WAC: variants seen among roughly 807,000 people sequenced by gnomAD.
WAC encodes the protein WW domain containing adaptor with coiled-coil, also known as WW domain-containing adapter protein with coiled-coil.
WAC carries 11 observed loss-of-function variants against 79.6 expected under a neutral mutation model. The observed-to-expected ratio is 0.14, with a 90% confidence interval of 0.09 to 0.23. WAC has a LOEUF of 0.23. WAC is among the 10% of genes least tolerant of loss of function. WAC has a pLI of 1.00. For synonymous variants in WAC, 304 were observed against 276.9 expected, an observed-to-expected ratio of 1.10 and a Z score of -0.97; for missense variants, 728 against 773.5, an observed-to-expected ratio of 0.94 and a Z score of 0.70.
chr10:28,550,686 A>G (rs545828411), intron 3 of WAC, among the ~76,000 whole-genome samples: 1 of 152,316 alleles, frequency 6.6e-6, no homozygotes, highest in Non-Finnish European at 1.5e-5. Context: ...TAAGAGTAAA[A>G]TCATAAGAAT....
In WAC at chr10:28,620,626, ATATT is replaced by A. The variant is rs1841654583; in HGVS notation, c.*1024_*1027del. 1.3e-5 allele frequency: 2 copies of A among 152,342 alleles called. No homozygotes were observed. The highest frequency in any genetic ancestry group is 2.4e-5 in the African/African-American group (1 of 41,452). The allele number at this position is 152,342 out of a possible 1,614,324, so 9.4% of individuals were successfully genotyped here. A position where few individuals can be genotyped will look rare whatever the true frequency, so the allele number is the denominator to read the frequency against. Reference sequence around the variant, plus strand: ...TCTTTATCAGAACTGTTCTTGTTGAATATTTATACTTAATTGAAATAATTCCTTA... The same window carrying A: ...TCTTTATCAGAACTGTTCTTGTTGAATATACTTAATTGAAATAATTCCTTA... On this transcript the variant is annotated 3_prime_UTR_variant, in exon 14 of 14. Coordinates refer to ENST00000354911, the MANE Select transcript of WAC (RefSeq NM_016628.5).
intron 7 of WAC, among the ~76,000 whole-genome samples, chr10:28,605,854 A>G (rs965513448): frequency 9.2e-5 from 14 of 152,170 alleles, no homozygotes; most frequent in African/African-American, 3.1e-4. Context: ...AAGAATGAGG[A>G]TAATTTCAGG....
intron 3 of WAC, among the ~76,000 whole-genome samples, chr10:28,558,940 C>G (rs1838147797): frequency 6.6e-6 from 1 of 152,230 alleles, no homozygotes; most frequent in Non-Finnish European, 1.5e-5. Context: ...ACGGGTAGTT[C>G]ATTTGGTGCA....
At chr10:28,614,507 T>A in intron 10 of WAC, 60 bp from the exon 11 acceptor site, 2 of 1,322,078 alleles carry the variant, frequency 1.5e-6, no homozygotes, top group South Asian at 2.4e-5. Context: ...TTACCTAGAT[T>A]TTGGGGGGAG....
chr10:28,609,187 C>T (rs1336399925), intron 8 of WAC, among the ~76,000 whole-genome samples: 1 of 152,098 alleles, frequency 6.6e-6, no homozygotes, highest in Non-Finnish European at 1.5e-5. Context: ...GATGGTGAAA[C>T]GCTATCTCTA....
At chr10:28,616,445 C>A in intron 12 of WAC, 83 bp downstream of exon 12, 1 of 1,100,290 alleles carries the variant, frequency 9.1e-7, no homozygotes, top group Non-Finnish European at 1.2e-6. Flanking sequence ...CTAATGTGAC[C>A]ACTGAATTCA....
chr10:28,610,325 C>T (rs542505473), intron 8 of WAC, among the ~76,000 whole-genome samples: 1 of 152,200 alleles, frequency 6.6e-6, no homozygotes, highest in African/African-American at 2.4e-5. Context: ...CATGAAATAG[C>T]AGTTGTTTAT....
chr10:28,612,923 T>C (rs1475905667), intron 10 of WAC, among the ~76,000 whole-genome samples: 2 of 152,176 alleles, frequency 1.3e-5, no homozygotes, highest in Non-Finnish European at 1.5e-5. Context: ...GTATAGTAAA[T>C]AGTGGTTAAA....
At chr10:28,542,412 A>T (rs1482250944) in intron 3 of WAC, among the ~76,000 whole-genome samples, 1 of 152,234 alleles carries the variant, frequency 6.6e-6, no homozygotes, top group Non-Finnish European at 1.5e-5. Context: ...GGGAAAATGG[A>T]GTTAGGAGCA....
chr10:28,533,861 G>C (rs557985317), intron 1 of WAC, 137 bp from the exon 2 acceptor site: 1 of 1,155,744 alleles, frequency 8.7e-7, no homozygotes, highest in Admixed American at 2.4e-5. Flanking sequence ...GGTTTGTGCC[G>C]TGTGCGTGCG....
rs1841652731 is a variant in WAC at position 28,620,556 on chromosome 10, T to A, written c.*950T>A. The A allele has an allele frequency of 6.6e-6, 1 of 152,654 alleles. No homozygotes were observed. The highest frequency in any genetic ancestry group is 2.4e-5 in the African/African-American group (1 of 41,452). The allele number at this position is 152,654 out of a possible 1,614,324, so 9.5% of individuals were successfully genotyped here. On this transcript the variant is annotated 3_prime_UTR_variant, in exon 14 of 14. Coordinates refer to ENST00000354911, the MANE Select transcript of WAC (RefSeq NM_016628.5). ...AAACAAACAAAAATTGTTATTTTTC[T>A]TTTCCTTCGGTCAGTGCACATTAGC...
chr10:28,572,511 A>T (rs1446459317), intron 3 of WAC, among the ~76,000 whole-genome samples: 2 of 151,926 alleles, frequency 1.3e-5, no homozygotes. Context: ...TGTATAAAGG[A>T]TCTAAAAATC....
intron 9 of WAC, 130 bp downstream of exon 9, chr10:28,610,951 TTTTG>T: frequency 1.9e-6 from 2 of 1,047,392 alleles, no homozygotes; most frequent in Non-Finnish European, 2.6e-6. Flanking sequence ...GCTACAATAA[TTTTG>T]TTTTTTTTGT....
intron 3 of WAC, among the ~76,000 whole-genome samples, chr10:28,564,572 C>G (rs1005308038): frequency 1.3e-5 from 2 of 152,172 alleles, no homozygotes; most frequent in African/African-American, 4.8e-5. Context: ...CCACACTACT[C>G]ATGCTTGTTA....
At chr10:28,533,847 T>G (rs1216192018) in intron 1 of WAC, 151 bp from the exon 2 acceptor site, 6 of 1,079,132 alleles carry the variant, frequency 5.6e-6, no homozygotes, top group Non-Finnish European at 7.9e-6. Context: ...TTCCGGAGGC[T>G]CCGGGTTTGT....
At chr10:28,536,617 T>A (rs1836692044) in intron 3 of WAC, among the ~76,000 whole-genome samples, 1 of 152,246 alleles carries the variant, frequency 6.6e-6, no homozygotes, top group African/African-American at 2.4e-5. Flanking sequence ...TTCATTGAAA[T>A]ATTCTTTTTA....
At position 28,622,534 on chromosome 10, in the gene WAC, C is replaced by T. The variant is rs1239629792; in HGVS notation, c.*2928C>T. 6.7e-6 allele frequency: 1 copy of T among 149,668 alleles called. No individual in the cohort carries two copies. Among genetic ancestry groups the T allele is most frequent in the Non-Finnish European group, 1.5e-5 (1 of 67,738 alleles). The allele number at this position is 149,668 out of a possible 1,614,324, so 9.3% of individuals were successfully genotyped here. A position where few individuals can be genotyped will look rare whatever the true frequency, so the allele number is the denominator to read the frequency against. ...TGATGAAAGAAGGTTACAGACTCCC[C>T]TGAAGAACCAGCTTTCCTACGCTTT... On this transcript the variant is annotated 3_prime_UTR_variant, in exon 14 of 14. Coordinates refer to ENST00000354911, the MANE Select transcript of WAC (RefSeq NM_016628.5).
intron 3 of WAC, among the ~76,000 whole-genome samples, chr10:28,548,883 T>G (rs912879001): frequency 5.3e-5 from 8 of 151,280 alleles, no homozygotes; most frequent in African/African-American, 9.7e-5. Context: ...ATTTTTGTAG[T>G]TTTTTTTTGG....
intron 3 of WAC, among the ~76,000 whole-genome samples, chr10:28,581,496 A>T (rs1258112359): frequency 1.3e-5 from 2 of 152,040 alleles, no homozygotes; most frequent in Non-Finnish European, 2.9e-5. Flanking sequence ...CTTTCTAAAG[A>T]TAGCAGTCTC....
Sources: allele counts gnomAD v4.1 joint callset (sites outside exome capture counted in the v4.1 genomes callset), GRCh38; gene constraint gnomAD v4.1.1; transcripts MANE v1.5; gene names NCBI Gene and HGNC (gene_info 2026-07-23, HGNC 2026-07-21).